The following PHF20L1 variants were observed in gnomAD, a reference collection of about 807,000 sequenced individuals.
The protein encoded by PHF20L1 is PHD finger protein 20 like 1.
PHF20L1 carries 44 observed loss-of-function variants against 125.5 expected under a neutral mutation model. The observed-to-expected ratio is 0.35, with a 90% CI of 0.28 to 0.45. The LOEUF (loss-of-function observed/expected upper bound fraction) is 0.45. Ranked by LOEUF, PHF20L1 falls within the 20% of genes least tolerant of loss-of-function variation. The pLI is 1.00. For synonymous variants in PHF20L1, 380 were observed against 403.1 expected (o/e 0.94, Z 0.69); for missense variants, 1,012 against 1,217.2 (o/e 0.83, Z 2.51).
chr8:132,816,448 A>C (rs921744738), intron 10 of PHF20L1: 3 of 155,196 alleles, frequency 1.9e-5, no homozygotes, highest in African/African-American at 7.3e-5. Flanking sequence ...ATGTTGTATC[A>C]TCTTTGTCCC....
At chr8:132,809,293 A>C (rs1437100460) in intron 8 of PHF20L1, 1 of 152,080 alleles carries the variant, frequency 6.6e-6, no homozygotes, top group Non-Finnish European at 1.5e-5. Flanking sequence ...CAGCCTCCCA[A>C]GTAACTGGGA....
In PHF20L1 at chr8:132,812,278, A is replaced by G. The variant is rs1056361108; in HGVS notation, c.930+1150A>G. Reference sequence around the variant, plus strand: ...TTATGGTATTCTCAGAATGCGATAAATCAGGGACTTGGGTAATAAAATGTT... The same window carrying G: ...TTATGGTATTCTCAGAATGCGATAAGTCAGGGACTTGGGTAATAAAATGTT... On this transcript the variant is annotated intron_variant, in intron 9 of 20. Coordinates refer to ENST00000395386, the MANE Select transcript of PHF20L1 (RefSeq NM_016018.5). 15 of 984,916 alleles carry G rather than the reference A, an allele frequency of 1.5e-5. No individual in the cohort carries two copies. The African/African-American group carries it at 2.3e-4, about 15-fold the overall frequency. 61.0% of individuals were successfully genotyped at this position (984,916 alleles called of 1,614,324 possible). A position where few individuals can be genotyped will look rare whatever the true frequency, so the allele number is the denominator to read the frequency against.
intron 2 of PHF20L1, among the ~76,000 whole-genome samples, chr8:132,793,409 C>T (rs1378218647): frequency 6.6e-6 from 1 of 152,170 alleles, no homozygotes; most frequent in African/African-American, 2.4e-5. Flanking sequence ...TCAGTTCCTA[C>T]ATTTCAAAGT....
At position 132,847,402 on chromosome 8, in the gene PHF20L1, CTGTT is replaced by C. The variant is rs1838497266; in HGVS notation, c.*1481_*1484del. ...ACACTTGAATATTTTATGCCTCATT[CTGTT>C]TATCAGTTCTCGCAATCTGTATAAA... On this transcript the variant is annotated 3_prime_UTR_variant, in exon 21 of 21. Transcript: ENST00000395386. 6.6e-6 allele frequency: 1 copy of C among 152,548 alleles called. No individual in the cohort carries two copies. The highest frequency in any genetic ancestry group is 2.1e-4 in the South Asian group (1 of 4,838). 9.4% of individuals were successfully genotyped at this position (152,548 alleles called of 1,614,324 possible).
chr8:132,802,691 A>C (rs950983890), intron 6 of PHF20L1, among the ~76,000 whole-genome samples: 17 of 151,834 alleles, frequency 1.1e-4, no homozygotes, highest in African/African-American at 4.1e-4. Flanking sequence ...TATGAGAGAA[A>C]GAGTTAGAAA....
chr8:132,780,112 T>C (rs1035986105), intron 2 of PHF20L1, among the ~76,000 whole-genome samples: 3 of 152,158 alleles, frequency 2.0e-5, no homozygotes, highest in Non-Finnish European at 4.4e-5. Flanking sequence ...ATATTGTATA[T>C]ATGTATTCTA....
rs1231768134 is a variant in PHF20L1 at position 132,818,236 on chromosome 8, CATAAA to C, written c.1579+698_1579+702del. The stretch of plus-strand genomic sequence containing the variant: ...GAATTATAACCTGATCTAGAATACA[CATAAA>C]ATAAAAAGGCCAATACTAGTTACAA... On this transcript the variant is annotated intron_variant, in intron 12 of 20. Coordinates refer to ENST00000395386, the MANE Select transcript of PHF20L1 (RefSeq NM_016018.5). 7 of 151,868 alleles carry C rather than the reference CATAAA, an allele frequency of 4.6e-5. No individual in the cohort carries two copies. In the East Asian group the frequency reaches 7.8e-4, roughly 17 times the overall value. The allele number at this position is 151,868 out of a possible 1,614,324, so 9.4% of individuals were successfully genotyped here.
At chr8:132,811,289 G>A in intron 9 of PHF20L1, 161 bp downstream of exon 9, 1 of 1,389,922 alleles carries the variant, frequency 7.2e-7, no homozygotes, top group Non-Finnish European at 9.4e-7. Flanking sequence ...AAGGTATACA[G>A]ATAACTACAG....
At chr8:132,825,227 A>C in intron 13 of PHF20L1, 37 bp from the exon 14 acceptor site, 1 of 1,591,126 alleles carries the variant, frequency 6.3e-7, no homozygotes, top group Non-Finnish European at 8.6e-7. Flanking sequence ...ACTCAGGATC[A>C]GTCGTGATTG....
chr8:132,782,179 G>T (rs372955629), intron 2 of PHF20L1, among the ~76,000 whole-genome samples: 1 of 152,220 alleles, frequency 6.6e-6, no homozygotes, highest in Non-Finnish European at 1.5e-5. Flanking sequence ...TGATACAGAA[G>T]TATATTTGGG....
Position 132,842,835 on chromosome 8 carries a change from G to A in PHF20L1, c.2708G>A (p.Ser903Asn). 6.2e-7 allele frequency: 1 copy of A among 1,612,618 alleles called. No individual in the cohort carries two copies. The highest frequency in any genetic ancestry group is 8.5e-7 in the Non-Finnish European group (1 of 1,179,026). The change falls in exon 19 of 21, where the codon AGT (serine) becomes AAT (asparagine). Residue 903 changes from serine to asparagine, a missense_variant. By Grantham distance (46) the Ser-to-Asn change is conservative. This residue lies in a region of PHF20L1 where 277 missense variants were observed against 283.6 expected (regional missense o/e 0.98). Coordinates refer to ENST00000395386, the MANE Select transcript of PHF20L1 (RefSeq NM_016018.5). ...GAATTCCACATGAGAAGTAAAAACA[G>A]TTTACAGTACTCAGCAAAAGAACAT... is the stretch of plus-strand genomic sequence containing the variant. Reference protein sequence around the residue: ...EQEFHMRSKNSLQYSAKEHGM... With the variant: ...EQEFHMRSKNNLQYSAKEHGM...
chr8:132,783,019 T>C (rs1445934375), intron 2 of PHF20L1, among the ~76,000 whole-genome samples: 2 of 152,230 alleles, frequency 1.3e-5, no homozygotes, highest in African/African-American at 4.8e-5. Context: ...CGTTGACTAC[T>C]GATTTAACTC....
At position 132,842,700 on chromosome 8, in the gene PHF20L1, C is replaced by T; in HGVS notation, c.2573C>T (p.Thr858Ile). 1 of 1,613,226 alleles carries T rather than the reference C, an allele frequency of 6.2e-7. No individual in the cohort carries two copies. Among genetic ancestry groups the T allele is most frequent in the Non-Finnish European group, 8.5e-7 (1 of 1,179,544 alleles). The change falls in exon 19 of 21, where the codon ACA becomes ATA. Residue 858 changes from threonine to isoleucine, a missense_variant. Physicochemically the swap from Thr to Ile is moderately conservative, Grantham distance 89. Coordinates refer to ENST00000395386, the MANE Select transcript of PHF20L1 (RefSeq NM_016018.5). Reference sequence around the variant, plus strand: ...CTAAAAATGGAAGGAACTTATATAACAAGTGAGCATAGCTATCAAAAGCCA... The same window carrying T: ...CTAAAAATGGAAGGAACTTATATAATAAGTGAGCATAGCTATCAAAAGCCA... ...LPLKMEGTYI[T>I]SEHSYQKPQS...
intron 9 of PHF20L1, chr8:132,811,834 T>A (rs1834426308): frequency 1.0e-6 from 1 of 984,404 alleles, no homozygotes; most frequent in Admixed American, 6.2e-5. Flanking sequence ...ATTTCCTTGG[T>A]TCTCCTGTTT....
At chr8:132,787,476 G>A (rs1261483523) in intron 2 of PHF20L1, among the ~76,000 whole-genome samples, 4 of 152,124 alleles carry the variant, frequency 2.6e-5, no homozygotes, top group Non-Finnish European at 4.4e-5. Flanking sequence ...GAAAAGGCCT[G>A]AGAAATAATG....
At chr8:132,819,421 C>T (rs976036281) in intron 12 of PHF20L1, among the ~76,000 whole-genome samples, 1 of 151,754 alleles carries the variant, frequency 6.6e-6, no homozygotes, top group African/African-American at 2.4e-5. Flanking sequence ...GTGAAATTCT[C>T]ATTTGTTTCT....
chr8:132,808,107 T>C (rs894291086), intron 8 of PHF20L1: 1 of 153,170 alleles, frequency 6.5e-6, no homozygotes, highest in Admixed American at 6.5e-5. Flanking sequence ...CATTTTATTG[T>C]TTATATTTAA....
At chr8:132,788,521 G>C (rs1250600239) in intron 2 of PHF20L1, among the ~76,000 whole-genome samples, 1 of 151,788 alleles carries the variant, frequency 6.6e-6, no homozygotes, top group Non-Finnish European at 1.5e-5. Flanking sequence ...TGTCATTGAG[G>C]TAGTTATCAA....
chr8:132,790,028 A>G (rs546771713), intron 2 of PHF20L1, among the ~76,000 whole-genome samples: 1 of 152,144 alleles, frequency 6.6e-6, no homozygotes, highest in Non-Finnish European at 1.5e-5. Flanking sequence ...ATTTTTCCAA[A>G]TTACTCATAA....
Sources: allele counts gnomAD v4.1 joint callset (sites outside exome capture counted in the v4.1 genomes callset), GRCh38; gene constraint gnomAD v4.1.1; regional missense constraint gnomAD v4.1.1; transcripts MANE v1.5; gene names NCBI Gene and HGNC (gene_info 2026-07-23, HGNC 2026-07-21).